The following LRRK2 variants were observed in gnomAD, a reference collection of about 807,000 sequenced individuals.
The protein encoded by LRRK2 is leucine-rich repeat serine/threonine-protein kinase 2.
In LRRK2, 203 loss-of-function variants were observed where a neutral mutation model predicts 302.6. The ratio of observed to expected loss-of-function variants is 0.67; its 90% CI spans 0.60 to 0.75. The LOEUF is 0.75. Among genes scored for constraint, LRRK2 ranks in the 30% least tolerant of loss-of-function variants. LRRK2 has a pLI of 0.00. For missense variants in LRRK2, 2,830 were observed against 2,951.0 expected (o/e 0.96, Z 0.95); for synonymous variants, 1,066 against 1,031.9 (o/e 1.03, Z -0.63).
rs145926545 is a variant in LRRK2, at chr12:40,293,616, G to A, written c.2761G>A (p.Val921Ile). The A allele has an allele frequency of 9.8e-5, 158 of 1,611,448 alleles. 1 individual carries two copies. The South Asian group carries it at 1.3e-3, about 13-fold the overall frequency. ...TGTAGGAGAATTTTACCGAGATGCC[G>A]TATTACAGCGTTGCTCACCAAATTT... ...ISVGEFYRDA[V>I]LQRCSPNLQR... Residue 921 changes from valine (V) to isoleucine (I), a missense_variant, in exon 21 of 51, where the codon GTA becomes ATA. Val to Ile is a conservative substitution (Grantham distance 29). This residue lies in a region of LRRK2 where 2,121 missense variants were observed against 2,148.0 expected (regional missense o/e 0.99). Transcript: ENST00000298910.
intron 2 of LRRK2, chr12:40,227,872 CT>C (rs1399135981): frequency 4.0e-5 from 6 of 151,452 alleles, no homozygotes; most frequent in African/African-American, 1.2e-4. Context: ...ATTTTTTTTT[CT>C]TTTTTTACTT....
intron 41 of LRRK2, among the ~76,000 whole-genome samples, chr12:40,341,741 G>C (rs1193428245): frequency 3.9e-5 from 6 of 152,114 alleles, no homozygotes; most frequent in South Asian, 2.1e-4. Context: ...AATTGGCCAA[G>C]ATAAGAATTC....
chr12:40,355,032 T>C (rs1946484024), intron 45 of LRRK2, among the ~76,000 whole-genome samples: 1 of 152,158 alleles, frequency 6.6e-6, no homozygotes, highest in Admixed American at 6.5e-5. Context: ...AAATTTCAGG[T>C]GTGAGTTGTA....
At position 40,251,383 on chromosome 12, in the gene LRRK2, C is replaced by T. The variant is rs751590550; in HGVS notation, c.1101+9C>T. 3.7e-6 allele frequency: 6 copies of T among 1,613,698 alleles called. No homozygotes were observed. The highest frequency in any genetic ancestry group is 3.3e-5 in the Admixed American group (2 of 59,978). ...AGAACAAGCACGTGCAGGTAGGACT[C>T]TCATAAATATTAGAGTTATTCAAAA... On this transcript the variant is annotated intron_variant, in intron 9 of 50. Transcript: ENST00000298910.
At chr12:40,287,863 T>C (rs992225778) in intron 20 of LRRK2, among the ~76,000 whole-genome samples, 8 of 151,840 alleles carry the variant, frequency 5.3e-5, no homozygotes, top group African/African-American at 9.7e-5. Context: ...TTGTTAAAGG[T>C]AGTAATGTCG....
Position 40,232,327 on chromosome 12 carries a change from A to C in LRRK2, c.291A>C (p.Gln97His). 6.2e-7 allele frequency: 1 copy of C among 1,614,130 alleles called. No individual in the cohort carries two copies. The highest frequency in any genetic ancestry group is 8.5e-7 in the Non-Finnish European group (1 of 1,180,002). Reference protein sequence around the residue: ...KLIEVCPGTMQSLMGPQDVGN... With the variant: ...KLIEVCPGTMHSLMGPQDVGN... ...TAGAAGTCTGTCCAGGTACAATGCAAAGCTTAATGGGACCCCAGGATGTTG... is the reference window on the plus strand; with the variant it reads ...TAGAAGTCTGTCCAGGTACAATGCACAGCTTAATGGGACCCCAGGATGTTG... The change falls in exon 3 of 51, where the codon CAA (glutamine) becomes CAC (histidine). Residue 97 changes from glutamine to histidine, a missense_variant. This residue lies in a region of LRRK2 where 2,121 missense variants were observed against 2,148.0 expected (regional missense o/e 0.99). Coordinates refer to ENST00000298910, the MANE Select transcript of LRRK2 (RefSeq NM_198578.4).
In LRRK2 at chr12:40,259,564, G is replaced by C. The variant is rs1373331532; in HGVS notation, c.1503G>C (p.Gln501His). ...MKRHETSLPV[Q>H]LEALRAILHF... The stretch of plus-strand genomic sequence containing the variant: ...GTCATGAGACATCATTACCAGTGCA[G>C]CTGGAGGCGCTTCGAGCTATTTTAC... Residue 501 changes from glutamine (Q) to histidine (H), a missense_variant, in exon 13 of 51, where the codon CAG becomes CAC. Gln to His is a conservative substitution (Grantham distance 24). Transcript: ENST00000298910. The C allele has an allele frequency of 3.7e-6, 6 of 1,613,226 alleles. No homozygotes were observed. Among genetic ancestry groups the C allele is most frequent in the Non-Finnish European group, 5.1e-6 (6 of 1,179,460 alleles).
At chr12:40,277,710 TGA>T (rs1483336256) in intron 16 of LRRK2, among the ~76,000 whole-genome samples, 176 bp from the exon 17 acceptor site, 1 of 152,078 alleles carries the variant, frequency 6.6e-6, no homozygotes, top group South Asian at 2.1e-4. Context: ...TTCTTAGTCA[TGA>T]GAGAGAGAGG....
At chr12:40,308,355 C>A in intron 28 of LRRK2, 112 bp from the exon 29 acceptor site, 1 of 759,324 alleles carries the variant, frequency 1.3e-6, no homozygotes, top group Admixed American at 2.5e-5. Context: ...ATGAGATATG[C>A]ACTCTTCTGG....
At chr12:40,257,553 A>G (rs1255529076) in intron 12 of LRRK2, among the ~76,000 whole-genome samples, 176 bp downstream of exon 12, 1 of 152,186 alleles carries the variant, frequency 6.6e-6, no homozygotes, top group Non-Finnish European at 1.5e-5. Context: ...CTTTATCTGA[A>G]CACTGAAAGG....
At position 40,250,076 on chromosome 12, in the gene LRRK2, A is replaced by G. The variant is rs1051905095; in HGVS notation, c.958+131A>G. The G allele has an allele frequency of 1.1e-5, 12 of 1,110,936 alleles. No individual in the cohort carries two copies. The East Asian group carries it at 2.1e-4, about 19-fold the overall frequency. The allele number at this position is 1,110,936 out of a possible 1,614,324, so 68.8% of individuals were successfully genotyped here. A position where few individuals can be genotyped will look rare whatever the true frequency, so the allele number is the denominator to read the frequency against. Reference sequence around the variant, plus strand: ...TTCTGTCCTGTGTAGCTCATTTTCCAGTAGAGGATACTTTCAAGGAAACTA... The same window carrying G: ...TTCTGTCCTGTGTAGCTCATTTTCCGGTAGAGGATACTTTCAAGGAAACTA... On this transcript the variant is annotated intron_variant, in intron 8 of 50. Transcript: ENST00000298910.
chr12:40,225,713 T>TATAGCC, intron 2 of LRRK2, 73 bp downstream of exon 2: 1 of 1,331,532 alleles, frequency 7.5e-7, no homozygotes, highest in Non-Finnish European at 1.1e-6. Context: ...GCAATGTTAA[T>TATAGCC]ATAGCCGAGA....
At chr12:40,325,274 G>A (rs1167283052) in intron 38 of LRRK2, among the ~76,000 whole-genome samples, 5 of 152,080 alleles carry the variant, frequency 3.3e-5, no homozygotes, top group African/African-American at 7.2e-5. Flanking sequence ...GCGACAGAGC[G>A]TCTCAAAACA....
chr12:40,259,385 T>C (rs1942669645), intron 12 of LRRK2, 95 bp from the exon 13 acceptor site: 6 of 1,448,246 alleles, frequency 4.1e-6, no homozygotes, highest in Non-Finnish European at 5.8e-6. Context: ...TGATAAAATA[T>C]ATTGGTTCTG....
At chr12:40,283,827 G>T in intron 18 of LRRK2, 48 bp from the exon 19 acceptor site, 1 of 1,524,416 alleles carries the variant, frequency 6.6e-7, no homozygotes, top group South Asian at 1.2e-5. Context: ...CTCCTAAAAG[G>T]AAGAAAAATG....
intron 7 of LRRK2, among the ~76,000 whole-genome samples, chr12:40,248,794 G>T (rs747141280): frequency 2.0e-5 from 3 of 152,106 alleles, no homozygotes; most frequent in Non-Finnish European, 2.9e-5. Flanking sequence ...CAGTGGTGTG[G>T]GTATAATAGG....
In LRRK2 at chr12:40,366,986, C is replaced by T. The variant is rs1476419288; in HGVS notation, c.7391-20C>T. On this transcript the variant is annotated intron_variant, in intron 49 of 50. Coordinates refer to ENST00000298910, the MANE Select transcript of LRRK2 (RefSeq NM_198578.4). ...ATATATAGTTTTAACAGAAAACTTA[C>T]ATATTTTGTTTTTGTAAAGGAAGCC... The T allele has an allele frequency of 1.3e-6, 2 of 1,588,012 alleles. No individual in the cohort carries two copies. The highest frequency in any genetic ancestry group is 2.2e-5 in the South Asian group (2 of 90,452).
At chr12:40,293,684 G>A (rs1465382600) in intron 21 of LRRK2, 21 bp downstream of exon 21, 1 of 1,492,264 alleles carries the variant, frequency 6.7e-7, no homozygotes, top group Non-Finnish European at 9.3e-7. Flanking sequence ...TTGTGCAATT[G>A]TGATTATGTT....
Position 40,294,863 on chromosome 12 carries a change from G to C in LRRK2, c.2827G>C (p.Glu943Gln). 1 of 1,545,716 alleles carries C rather than the reference G, an allele frequency of 6.5e-7. No homozygotes were observed. Among genetic ancestry groups the C allele is most frequent in the East Asian group, 2.3e-5 (1 of 44,216 alleles). The stretch of plus-strand genomic sequence containing the variant: ...TTAATAGGGGCCCATTTTTGATCAT[G>C]AAGATTTACTGAAGCGAAAAAGAAA... ...SNSLGPIFDH[E>Q]DLLKRKRKIL... The change falls in exon 22 of 51, where the codon GAA (glutamate) becomes CAA (glutamine). Residue 943 changes from glutamate (E) to glutamine (Q), a missense_variant. Transcript: ENST00000298910.
Sources: gnomAD v4.1 joint callset for allele counts (sites outside exome capture counted in the v4.1 genomes callset) on GRCh38, gnomAD v4.1.1 for gene constraint, gnomAD v4.1.1 regional missense constraint, MANE v1.5 for transcripts, NCBI Gene and HGNC (gene_info 2026-07-23, HGNC 2026-07-21) for gene names.